Variants in BLK observed in about 807,000 individuals in gnomAD.
BLK encodes the protein BLK proto-oncogene, Src family tyrosine kinase.
A neutral mutation model predicts 61.8 loss-of-function variants in BLK; 64 were observed. The ratio of observed to expected loss-of-function variants is 1.03; its 90% CI spans 0.85 to 1.27. The LOEUF (loss-of-function observed/expected upper bound fraction) is 1.27. Ranked by LOEUF, BLK falls within the 50% of genes most tolerant of loss-of-function variation. BLK has a pLI of 0.00. For missense variants in BLK, 853 were observed against 660.5 expected, an observed-to-expected ratio of 1.29 and a Z score of -3.19; for synonymous variants, 351 against 272.0, an observed-to-expected ratio of 1.29 and a Z score of -2.86.
At chr8:11,545,881 T>C in intron 2 of BLK, 171 bp from the exon 3 acceptor site, 1 of 761,980 alleles carries the variant, frequency 1.3e-6, no homozygotes, top group South Asian at 1.5e-5. Context: ...CTGAGGGTAG[T>C]GCTGGTCCCT....
intron 6 of BLK, among the ~76,000 whole-genome samples, chr8:11,551,098 C>G (rs1273936025): frequency 6.6e-6 from 1 of 152,108 alleles, no homozygotes; most frequent in African/African-American, 2.4e-5. Context: ...GCCACCATGT[C>G]TTGTCTGTTT....
chr8:11,552,849 C>T (rs1800972046), intron 6 of BLK: 1 of 152,318 alleles, frequency 6.6e-6, no homozygotes, highest in Non-Finnish European at 1.5e-5. Context: ...CATATGGGAC[C>T]AGGGCTGCAG....
At chr8:11,550,989 C>G (rs1373012067) in intron 6 of BLK, among the ~76,000 whole-genome samples, 2 of 152,164 alleles carry the variant, frequency 1.3e-5, no homozygotes, top group African/African-American at 2.4e-5. Flanking sequence ...CCCCCTCACT[C>G]CCCCACTTGG....
At chr8:11,559,377 G>A (rs180790511) in intron 10 of BLK, among the ~76,000 whole-genome samples, 1 of 141,074 alleles carries the variant, frequency 7.1e-6, no homozygotes, top group Admixed American at 7.1e-5. Context: ...ACACAGACAC[G>A]CAAACTCACA....
chr8:11,557,821 C>T lies in BLK; in HGVS notation c.953-141C>T, dbSNP rs947643071. ...AGGCACTCGGCAGCAGTAGGTAGATCCTTCCTGATGCACCGAGAGATCTGA... is the reference window on the plus strand; with the variant it reads ...AGGCACTCGGCAGCAGTAGGTAGATTCTTCCTGATGCACCGAGAGATCTGA... On this transcript the variant is annotated intron_variant, in intron 9 of 12. Transcript: ENST00000259089. 1.1e-5 allele frequency: 8 copies of T among 717,714 alleles called. No individual in the cohort carries two copies. In the Middle Eastern group the frequency reaches 1.6e-3, roughly 143 times the overall value. The allele number at this position is 717,714 out of a possible 1,614,324, so 44.5% of individuals were successfully genotyped here. A position where few individuals can be genotyped will look rare whatever the true frequency, so the allele number is the denominator to read the frequency against.
At chr8:11,540,464 A>T (rs2117430354) in intron 1 of BLK, among the ~76,000 whole-genome samples, 1 of 152,300 alleles carries the variant, frequency 6.6e-6, no homozygotes, top group African/African-American at 2.4e-5. Context: ...CTAGGTTAAG[A>T]CTTAATTTAG....
At chr8:11,536,377 T>C (rs1325794387) in intron 1 of BLK, among the ~76,000 whole-genome samples, 1 of 152,146 alleles carries the variant, frequency 6.6e-6, no homozygotes, top group Admixed American at 6.5e-5. Context: ...AAGAGTTCTA[T>C]TATTATTAAT....
At chr8:11,509,148 A>T (rs1404142759) in intron 1 of BLK, 1 of 151,038 alleles carries the variant, frequency 6.6e-6, no homozygotes, top group East Asian at 2.0e-4. Flanking sequence ...CCCCTCCTTT[A>T]GGTTACACCG....
At chr8:11,561,868 G>A (rs1305792641) in intron 11 of BLK, among the ~76,000 whole-genome samples, 2 of 151,762 alleles carry the variant, frequency 1.3e-5, no homozygotes, top group Non-Finnish European at 2.9e-5. Context: ...ACCCAGGCTG[G>A]AGTGCAGTGG....
At chr8:11,501,434 G>T (rs1468913811) in intron 1 of BLK, among the ~76,000 whole-genome samples, 1 of 151,510 alleles carries the variant, frequency 6.6e-6, no homozygotes, top group Non-Finnish European at 1.5e-5. Context: ...CTATCTGATG[G>T]GCTCTCTGGC....
chr8:11,557,862 C>A, intron 9 of BLK, 100 bp from the exon 10 acceptor site: 2 of 1,031,634 alleles, frequency 1.9e-6, no homozygotes, highest in South Asian at 1.3e-5. Flanking sequence ...CAAACTCCCA[C>A]TTCCCGCGCC....
chr8:11,549,306 T>A (rs4841553), intron 5 of BLK, among the ~76,000 whole-genome samples, 184 bp downstream of exon 5: 2 of 151,950 alleles, frequency 1.3e-5, no homozygotes, highest in Non-Finnish European at 2.9e-5. Flanking sequence ...ACATTCAGAC[T>A]GCTGTGTGAC....
intron 1 of BLK, among the ~76,000 whole-genome samples, chr8:11,520,750 G>GA (rs35502720): frequency 6.6e-6 from 1 of 151,872 alleles, no homozygotes; most frequent in East Asian, 1.9e-4. Flanking sequence ...TACACATTTC[G>GA]AAAAAAGGCA....
intron 1 of BLK, among the ~76,000 whole-genome samples, chr8:11,521,703 A>G (rs900993505): frequency 6.6e-6 from 1 of 152,208 alleles, no homozygotes; most frequent in Non-Finnish European, 1.5e-5. Flanking sequence ...CGAGTAGCTC[A>G]TACCGCCCTG....
intron 9 of BLK, among the ~76,000 whole-genome samples, chr8:11,557,202 CTCCTGG>C (rs1013169943): frequency 2.6e-5 from 4 of 152,188 alleles, no homozygotes; most frequent in African/African-American, 4.8e-5. Flanking sequence ...GGTCTCCTGC[CTCCTGG>C]TCATGCAACC....
intron 1 of BLK, among the ~76,000 whole-genome samples, chr8:11,512,510 T>C (rs187623350): frequency 5.9e-5 from 9 of 152,352 alleles, no homozygotes; most frequent in African/African-American, 1.9e-4. Flanking sequence ...ACATGGGACT[T>C]CATGTTTTAC....
intron 1 of BLK, chr8:11,509,375 G>A (rs1238579284): frequency 6.6e-6 from 1 of 152,214 alleles, no homozygotes; most frequent in Non-Finnish European, 1.5e-5. Context: ...CTGACTCACA[G>A]CCAATTCATG....
intron 9 of BLK, among the ~76,000 whole-genome samples, chr8:11,557,624 G>A (rs1801295998): frequency 6.6e-6 from 1 of 152,164 alleles, no homozygotes; most frequent in African/African-American, 2.4e-5. Flanking sequence ...CAACACGGGG[G>A]GAAAGACAAG....
At chr8:11,524,853 G>C in intron 1 of BLK, among the ~76,000 whole-genome samples, 1 of 150,056 alleles carries the variant, frequency 6.7e-6, no homozygotes, top group East Asian at 2.0e-4. Context: ...AGATGACCGT[G>C]ATACGCTCTG....
Sources: gnomAD v4.1 joint callset for allele counts (sites outside exome capture counted in the v4.1 genomes callset) on GRCh38, gnomAD v4.1.1 for gene constraint, MANE v1.5 for transcripts, NCBI Gene and HGNC (gene_info 2026-07-23, HGNC 2026-07-21) for gene names.